The following PCDHA5 variants were observed in gnomAD, a reference collection of about 807,000 sequenced individuals.
The protein encoded by PCDHA5 is protocadherin alpha 5.
PCDHA5 carries 43 observed loss-of-function variants against 61.6 expected under a neutral mutation model. The ratio of observed to expected loss-of-function variants is 0.70; its 90% CI spans 0.55 to 0.90. The LOEUF (loss-of-function observed/expected upper bound fraction) is 0.90. Among genes scored for constraint, PCDHA5 ranks in the 40% least tolerant of loss-of-function variants. The pLI is 0.00. For missense variants in PCDHA5, 1,298 were observed against 1,222.7 expected (o/e 1.06, Z -0.92); for synonymous variants, 627 against 543.9 (o/e 1.15, Z -2.13).
intron 3 of PCDHA5, among the ~76,000 whole-genome samples, chr5:141,000,361 GTCTCTCTCTCTCTC>G (rs148596731): frequency 5.7e-4 from 15 of 26,444 alleles, no homozygotes; most frequent in African/African-American, 2.0e-3. Context: ...GTCTCTCTCT[GTCTCTCTCTCTCTC>G]TCTCTCTCTC....
At chr5:140,872,769 T>C (rs1463790803) in intron 1 of PCDHA5, among the ~76,000 whole-genome samples, 2 of 152,184 alleles carry the variant, frequency 1.3e-5, no homozygotes, top group African/African-American at 2.4e-5. Flanking sequence ...TAGGGCTATA[T>C]TATCTATAAT....
intron 1 of PCDHA5, chr5:140,927,274 G>T: frequency 6.2e-7 from 1 of 1,614,100 alleles, no homozygotes; most frequent in Non-Finnish European, 8.5e-7. Context: ...TCCTGCCGGC[G>T]ACGTGCAGCT....
At chr5:140,884,075 T>C (rs2059980601) in intron 1 of PCDHA5, 1 of 1,613,342 alleles carries the variant, frequency 6.2e-7, no homozygotes, top group South Asian at 1.1e-5. Context: ...CGATTCGGGC[T>C]ACAATGCGTG....
chr5:140,849,715 T>A (rs2150446343), intron 1 of PCDHA5: 2 of 1,598,584 alleles, frequency 1.3e-6, no homozygotes. Context: ...TACTACTCGT[T>A]GGTGCTGGAC....
chr5:140,966,710 G>A, intron 1 of PCDHA5: 1 of 1,391,664 alleles, frequency 7.2e-7, no homozygotes, highest in Non-Finnish European at 9.3e-7. Flanking sequence ...GTGGGGCACG[G>A]CTGGGGAAGC....
Position 140,822,815 on chromosome 5 carries a change from C to A in PCDHA5, c.1040C>A (p.Pro347Gln). ...CTCCTGGATGTGAATGATAATACCC[C>A]AGAGATGGCCATAACCACCCTTTTC... ...VKLLDVNDNT[P>Q]EMAITTLFLP... Residue 347 changes from proline to glutamine, a missense_variant, in exon 1 of 4, where the codon CCA becomes CAA. By Grantham distance (76) the Pro-to-Gln change is moderately conservative (BLOSUM62 -1). Coordinates refer to ENST00000529859, the MANE Select transcript of PCDHA5 (RefSeq NM_018908.3). The A allele has an allele frequency of 3.1e-6, 5 of 1,614,130 alleles. No individual in the cohort carries two copies. Among genetic ancestry groups the A allele is most frequent in the Non-Finnish European group, 4.2e-6 (5 of 1,179,994 alleles).
intron 1 of PCDHA5, chr5:140,857,098 T>G: frequency 6.3e-7 from 1 of 1,597,572 alleles, no homozygotes; most frequent in Non-Finnish European, 8.6e-7. Context: ...CTGAGGTGAT[T>G]GTCACTTCTC....
At chr5:140,882,982 C>A (rs139888237) in intron 1 of PCDHA5, 2 of 1,614,148 alleles carry the variant, frequency 1.2e-6, no homozygotes, top group South Asian at 1.1e-5. Flanking sequence ...TGAATGACAA[C>A]GCCCCGGAAT....
At chr5:140,882,768 C>CA in intron 1 of PCDHA5, 1 of 1,614,222 alleles carries the variant, frequency 6.2e-7, no homozygotes, top group Non-Finnish European at 8.5e-7. Flanking sequence ...GTAAACTCGG[C>CA]ATTGACCTAC....
rs1554262721 is a variant in PCDHA5, at chr5:141,010,165, GA to G, written c.*230del. ...TTCTCTCCACTCTGGCTTGTTTTCA[GA>G]ACCTAAAAAGCAGACCCAAGTTTCC... On this transcript the variant is annotated 3_prime_UTR_variant, in exon 4 of 4. Coordinates refer to ENST00000529859, the MANE Select transcript of PCDHA5 (RefSeq NM_018908.3). The G allele has an allele frequency of 1.9e-6, 3 of 1,563,714 alleles. No homozygotes were observed.
intron 1 of PCDHA5, among the ~76,000 whole-genome samples, chr5:140,973,646 A>C (rs1413605589): frequency 1.3e-5 from 2 of 152,216 alleles, no homozygotes; most frequent in African/African-American, 4.8e-5. Flanking sequence ...TTCTGACTGA[A>C]GAAGAAATCT....
intron 1 of PCDHA5, chr5:140,930,019 T>G (rs1454076883): frequency 6.6e-6 from 1 of 152,222 alleles, no homozygotes; most frequent in Non-Finnish European, 1.5e-5. Context: ...GATAGCTCCA[T>G]AGCAGTGTTT....
chr5:140,833,695 T>G (rs2150210401), intron 1 of PCDHA5, among the ~76,000 whole-genome samples: 1 of 152,154 alleles, frequency 6.6e-6, no homozygotes, highest in Non-Finnish European at 1.5e-5. Context: ...TCTTATTTTG[T>G]TTTCCCAAGA....
In PCDHA5 at chr5:140,929,359, C is replaced by T; in HGVS notation, c.2353-49590C>T. 3.3e-6 allele frequency: 5 copies of T among 1,522,308 alleles called. No homozygotes were observed. In the South Asian group the frequency reaches 6.6e-5, roughly 20 times the overall value. 94.3% of individuals were successfully genotyped at this position (1,522,308 alleles called of 1,614,324 possible). ...ATTTTATGGAATTTGATTCCTTTGG[C>T]CCGGAGATGGCTGCTAGCTGTGTTT... On this transcript the variant is annotated intron_variant, in intron 1 of 3. Transcript: ENST00000529859.
intron 1 of PCDHA5, chr5:140,930,374 C>G (rs549190703): frequency 6.6e-6 from 1 of 151,988 alleles, no homozygotes; most frequent in South Asian, 2.1e-4. Flanking sequence ...TGTTAGTGGC[C>G]CTTGGCATTT....
intron 1 of PCDHA5, chr5:140,883,965 T>A (rs781999874): frequency 1.9e-6 from 3 of 1,613,128 alleles, no homozygotes; most frequent in Non-Finnish European, 2.5e-6. Context: ...CCGGCGCTGC[T>A]GACGCCCGGG....
intron 1 of PCDHA5, chr5:140,829,327 C>T: frequency 6.2e-7 from 1 of 1,614,240 alleles, no homozygotes; most frequent in South Asian, 1.1e-5. Context: ...TGGACAGTGC[C>T]CTGGACCGCG....
chr5:140,881,488 AT>A (rs1193131425), intron 1 of PCDHA5: 4 of 334,526 alleles, frequency 1.2e-5, no homozygotes, highest in African/African-American at 8.9e-5. Flanking sequence ...TATTGTGTTT[AT>A]GCACATACAC....
intron 1 of PCDHA5, among the ~76,000 whole-genome samples, chr5:140,892,996 G>A (rs1014134688): frequency 2.0e-5 from 3 of 152,162 alleles, no homozygotes; most frequent in Admixed American, 1.3e-4. Flanking sequence ...GTGAGAACAT[G>A]TATTTATTTT....
Sources: allele counts gnomAD v4.1 joint callset (sites outside exome capture counted in the v4.1 genomes callset), GRCh38; gene constraint gnomAD v4.1.1; transcripts MANE v1.5; gene names NCBI Gene and HGNC (gene_info 2026-07-23, HGNC 2026-07-21).